FBXO4: variants seen among roughly 807,000 people sequenced by gnomAD.
FBXO4 encodes the protein F-box only protein 4.
A neutral mutation model predicts 43.7 loss-of-function variants in FBXO4; 36 were observed. The observed-to-expected ratio is 0.82, with a 90% CI of 0.63 to 1.09. FBXO4 has a LOEUF of 1.09. Among genes scored for constraint, FBXO4 ranks in the 50% least tolerant of loss-of-function variants. The probability of loss-of-function intolerance (pLI) is 0.00; values close to 1 mark genes in which losing one functional copy is unlikely to be tolerated. For synonymous variants in FBXO4, 180 were observed against 165.6 expected, an observed-to-expected ratio of 1.09 and a Z score of -0.67; for missense variants, 435 against 474.1, an observed-to-expected ratio of 0.92 and a Z score of 0.77.
the FBXO4 span, among the ~76,000 whole-genome samples, chr5:41,964,603 T>TG: frequency 1.4e-4 from 22 of 151,960 alleles, no homozygotes; most frequent in African/African-American, 5.3e-4. Flanking sequence ...TTTTTTTTTT[T>TG]TTTTCAAAAA....
downstream of FBXO4, among the ~76,000 whole-genome samples, chr5:41,945,734 A>C (rs1752068220): frequency 6.6e-6 from 1 of 152,156 alleles, no homozygotes; most frequent in East Asian, 1.9e-4. Context: ...GCTATATCTC[A>C]TCTTGCCATG....
the FBXO4 span, among the ~76,000 whole-genome samples, chr5:42,010,119 T>C: frequency 6.6e-6 from 1 of 152,196 alleles, no homozygotes; most frequent in Non-Finnish European, 1.5e-5. Flanking sequence ...GTAAATAGAA[T>C]CATACAGTAT....
chr5:42,013,212 C>G, the FBXO4 span, among the ~76,000 whole-genome samples: 1 of 152,004 alleles, frequency 6.6e-6, no homozygotes, highest in Admixed American at 6.6e-5. Flanking sequence ...GCTGGGAGGT[C>G]AAGGCTGCAG....
chr5:42,012,770 G>A, the FBXO4 span, among the ~76,000 whole-genome samples: 1 of 152,232 alleles, frequency 6.6e-6, no homozygotes, highest in East Asian at 1.9e-4. Flanking sequence ...CAAATGGCCT[G>A]CATATAACTT....
At chr5:42,030,998 G>A in the FBXO4 span, among the ~76,000 whole-genome samples, 5 of 152,212 alleles carry the variant, frequency 3.3e-5, no homozygotes, top group South Asian at 2.1e-4. Context: ...GAACACTTTT[G>A]CACTGTTGGT....
the FBXO4 span, among the ~76,000 whole-genome samples, chr5:42,026,588 C>T: frequency 6.6e-6 from 1 of 151,824 alleles, no homozygotes; most frequent in Non-Finnish European, 1.5e-5. Context: ...CTAGGACTTC[C>T]TGTACTATGT....
At chr5:42,039,395 C>T in the FBXO4 span, among the ~76,000 whole-genome samples, 2 of 152,230 alleles carry the variant, frequency 1.3e-5, no homozygotes, top group South Asian at 4.1e-4. Flanking sequence ...CTCTGGACCA[C>T]CTCCCCACTA....
the FBXO4 span, among the ~76,000 whole-genome samples, chr5:41,962,557 G>A: frequency 6.6e-6 from 1 of 152,158 alleles, no homozygotes; most frequent in Non-Finnish European, 1.5e-5. Flanking sequence ...AAAGCCCAGA[G>A]GGTTTATCTT....
the FBXO4 span, among the ~76,000 whole-genome samples, chr5:41,996,946 C>T: frequency 6.6e-6 from 1 of 152,200 alleles, no homozygotes; most frequent in African/African-American, 2.4e-5. Context: ...AGCATAACGT[C>T]ATCAATGTAA....
At chr5:42,027,580 A>T in the FBXO4 span, among the ~76,000 whole-genome samples, 1 of 151,308 alleles carries the variant, frequency 6.6e-6, no homozygotes, top group Non-Finnish European at 1.5e-5. Context: ...TTCTTCTACC[A>T]ATTTTGGGTT....
the FBXO4 span, among the ~76,000 whole-genome samples, chr5:41,963,502 C>T: frequency 0.079 from 12,083 of 152,098 alleles, 686 homozygotes; most frequent in African/African-American, 0.16. Context: ...AACTTAGCTA[C>T]TAATAACCTA....
chr5:42,018,762 C>T, the FBXO4 span, among the ~76,000 whole-genome samples: 1 of 152,268 alleles, frequency 6.6e-6, no homozygotes, highest in East Asian at 1.9e-4. Context: ...TCTTTATTCT[C>T]ATCTTTCATC....
chr5:42,011,754 A>G, the FBXO4 span, among the ~76,000 whole-genome samples: 1 of 152,184 alleles, frequency 6.6e-6, no homozygotes, highest in East Asian at 1.9e-4. Flanking sequence ...TCCTATGTAG[A>G]GTGTGTGCAG....
the FBXO4 span, among the ~76,000 whole-genome samples, chr5:41,999,373 G>T: frequency 6.9e-6 from 1 of 145,920 alleles, no homozygotes. Flanking sequence ...TCTCTAGAGG[G>T]ACAGAACTAA....
the FBXO4 span, among the ~76,000 whole-genome samples, chr5:41,992,407 T>C: frequency 1.3e-5 from 2 of 152,240 alleles, no homozygotes; most frequent in Non-Finnish European, 2.9e-5. Context: ...TTTTTTCTAT[T>C]GGGAATCTTC....
the FBXO4 span, among the ~76,000 whole-genome samples, chr5:41,954,017 A>G: frequency 1.3e-5 from 2 of 152,224 alleles, no homozygotes; most frequent in African/African-American, 4.8e-5. Flanking sequence ...ATTTACTGAC[A>G]GACCAGTTGG....
intron 5 of FBXO4, among the ~76,000 whole-genome samples, chr5:41,937,791 A>C (rs938019351): frequency 6.6e-6 from 1 of 152,246 alleles, no homozygotes; most frequent in African/African-American, 2.4e-5. Context: ...GCGGGAGACA[A>C]ACATTGCATT....
the FBXO4 span, among the ~76,000 whole-genome samples, chr5:41,960,006 T>A: frequency 1.3e-5 from 2 of 152,012 alleles, no homozygotes; most frequent in South Asian, 4.1e-4. Flanking sequence ...GGATATCTTT[T>A]TATTTATTTG....
chr5:42,004,595 G>A, the FBXO4 span, among the ~76,000 whole-genome samples: 2 of 152,092 alleles, frequency 1.3e-5, no homozygotes, highest in African/African-American at 4.8e-5. Context: ...TTGAAAAGTT[G>A]GTCACTTGTG....
Sources: allele counts gnomAD v4.1 joint callset (sites outside exome capture counted in the v4.1 genomes callset), GRCh38; gene constraint gnomAD v4.1.1; transcripts MANE v1.5; gene names NCBI Gene and HGNC (gene_info 2026-07-23, HGNC 2026-07-21).